The following RBX1 variants were observed in gnomAD, a reference collection of about 807,000 sequenced individuals.
RBX1 encodes the protein E3 ubiquitin-protein ligase RBX1.
For synonymous variants in RBX1, 48 were observed against 47.9 expected, an observed-to-expected ratio of 1.00 and a Z score of -0.01; for missense variants, 46 against 141.4, an observed-to-expected ratio of 0.33 and a Z score of 3.42.
At chr22:40,967,758 T>C (rs1353505296) in intron 3 of RBX1, 41 bp from the exon 4 acceptor site, 2 of 1,546,794 alleles carry the variant, frequency 1.3e-6, no homozygotes, top group Non-Finnish European at 1.8e-6. Flanking sequence ...TGGCTGAGCC[T>C]GCATAGAGTT....
At chr22:40,961,448 C>CT (rs1404400814) in intron 2 of RBX1, among the ~76,000 whole-genome samples, 6 of 152,000 alleles carry the variant, frequency 3.9e-5, no homozygotes, top group Admixed American at 3.9e-4. Flanking sequence ...GAGTCTCGCT[C>CT]TGTTACCCAG....
At chr22:40,952,673 C>T (rs900353303) in intron 1 of RBX1, among the ~76,000 whole-genome samples, 113 of 150,770 alleles carry the variant, frequency 7.5e-4, no homozygotes, top group African/African-American at 2.6e-3. Flanking sequence ...AGAGTCTAAA[C>T]ATATAAAAGT....
Position 40,955,013 on chromosome 22 carries a change from C to T in RBX1, c.157+1380C>T, listed in dbSNP as rs140543786. Among the ~76,000 whole-genome samples, 27 of 152,142 alleles carry T rather than the reference C, an allele frequency of 1.8e-4. No individual in the cohort carries two copies. The East Asian group carries it at 5.0e-3, about 28-fold the overall frequency. On this transcript the variant is annotated intron_variant, in intron 2 of 4. Transcript: ENST00000216225. The stretch of plus-strand genomic sequence containing the variant: ...TGTTGGCCAGGCTGGCCTCGAACTC[C>T]TGACCTCGGGTGATCCGCGTGCCTC...
chr22:40,968,083 A>G (rs529018658), intron 4 of RBX1, among the ~76,000 whole-genome samples, 199 bp downstream of exon 4: 5 of 142,034 alleles, frequency 3.5e-5, no homozygotes, highest in Admixed American at 7.0e-5. Context: ...GGGTTTCCCA[A>G]CCTTTTTTTT....
At chr22:40,956,995 A>G (rs912677457) in intron 2 of RBX1, among the ~76,000 whole-genome samples, 10 of 151,728 alleles carry the variant, frequency 6.6e-5, no homozygotes, top group African/African-American at 1.7e-4. Context: ...AGATCGCGCC[A>G]TTGCACTCCA....
intron 3 of RBX1, 176 bp from the exon 4 acceptor site, chr22:40,967,623 A>C: frequency 1.9e-6 from 1 of 537,406 alleles, no homozygotes; most frequent in East Asian, 3.0e-5. Context: ...CTTTGTTGGA[A>C]ATACCCTTGC....
intron 3 of RBX1, chr22:40,967,070 G>C (rs1601539127): frequency 6.6e-6 from 1 of 152,210 alleles, no homozygotes; most frequent in African/African-American, 2.4e-5. Context: ...TATGAAATAA[G>C]CCTTTTGATG....
intron 4 of RBX1, among the ~76,000 whole-genome samples, chr22:40,971,737 A>T (rs1277505711): frequency 1.3e-5 from 2 of 151,932 alleles, no homozygotes; most frequent in African/African-American, 4.8e-5. Context: ...TTGTATTTTT[A>T]GTAGAGACGG....
At chr22:40,957,772 C>T (rs2058329589) in intron 2 of RBX1, among the ~76,000 whole-genome samples, 1 of 152,058 alleles carries the variant, frequency 6.6e-6, no homozygotes, top group African/African-American at 2.4e-5. Flanking sequence ...TCAAGCAGTC[C>T]TCCTACCTCA....
chr22:40,958,473 A>G (rs905927180), intron 2 of RBX1, among the ~76,000 whole-genome samples: 1 of 152,200 alleles, frequency 6.6e-6, no homozygotes, highest in African/African-American at 2.4e-5. Flanking sequence ...GAGTAATTAT[A>G]TACATAGCTC....
At chr22:40,970,567 A>G (rs1326813604) in intron 4 of RBX1, among the ~76,000 whole-genome samples, 1 of 152,120 alleles carries the variant, frequency 6.6e-6, no homozygotes. Context: ...ATTTTCAGTA[A>G]GATTGGGCAA....
intron 4 of RBX1, among the ~76,000 whole-genome samples, chr22:40,968,394 T>C (rs1370805056): frequency 6.6e-6 from 1 of 152,088 alleles, no homozygotes; most frequent in Non-Finnish European, 1.5e-5. Context: ...CCCGGCAGGT[T>C]TCCCAACCTT....
intron 2 of RBX1, among the ~76,000 whole-genome samples, chr22:40,963,323 A>G (rs1394967211): frequency 6.6e-6 from 1 of 152,098 alleles, no homozygotes; most frequent in Non-Finnish European, 1.5e-5. Flanking sequence ...TTTACCCATC[A>G]GATCTTGATC....
In RBX1 at chr22:40,964,128, ATCTT is replaced by A; in HGVS notation, c.228+13_228+16del. The A allele has an allele frequency of 6.3e-7, 1 of 1,596,244 alleles. No individual in the cohort carries two copies. The highest frequency in any genetic ancestry group is 1.7e-4 in the Middle Eastern group (1 of 6,030). On this transcript the variant is annotated intron_variant, in intron 3 of 4. Transcript: ENST00000216225. ...TGGGGAGTCTGTAACGTAAGGAAGC[ATCTT>A]TACCTGTCAGCATGGCTTGTAAACA...
chr22:40,972,110 T>G (rs1350764584), intron 4 of RBX1, among the ~76,000 whole-genome samples: 1 of 152,156 alleles, frequency 6.6e-6, no homozygotes, highest in African/African-American at 2.4e-5. Flanking sequence ...AGCCCGAAAG[T>G]TCAAACTGTC....
At chr22:40,962,658 C>A (rs2058344178) in intron 2 of RBX1, among the ~76,000 whole-genome samples, 1 of 146,672 alleles carries the variant, frequency 6.8e-6, no homozygotes, top group East Asian at 2.0e-4. Context: ...ACCACACACA[C>A]CTGGCTAATT....
chr22:40,963,946 C>A, intron 2 of RBX1, 101 bp from the exon 3 acceptor site: 1 of 836,340 alleles, frequency 1.2e-6, no homozygotes, highest in Non-Finnish European at 2.1e-6. Context: ...CATTAAAAAA[C>A]AATTATGGCT....
intron 4 of RBX1, among the ~76,000 whole-genome samples, chr22:40,970,409 A>G (rs1166685140): frequency 6.6e-6 from 1 of 151,636 alleles, no homozygotes; most frequent in Non-Finnish European, 1.5e-5. Flanking sequence ...CAGGTTTTCC[A>G]TTTCTAAGAA....
chr22:40,960,474 C>T (rs535805799), intron 2 of RBX1, among the ~76,000 whole-genome samples: 1 of 152,082 alleles, frequency 6.6e-6, no homozygotes, highest in South Asian at 2.1e-4. Context: ...AGGACTCTAC[C>T]GTGAAGGGAG....
Sources: gnomAD v4.1 joint callset for allele counts (sites outside exome capture counted in the v4.1 genomes callset) on GRCh38, gnomAD v4.1.1 for gene constraint, MANE v1.5 for transcripts, NCBI Gene and HGNC (gene_info 2026-07-23, HGNC 2026-07-21) for gene names.